The following NDUFB9 variants were observed in gnomAD, a reference collection of about 807,000 sequenced individuals.
The protein encoded by NDUFB9 is NADH:ubiquinone oxidoreductase subunit B9, also known as NADH dehydrogenase [ubiquinone] 1 beta subcomplex subunit 9.
In NDUFB9, 24 loss-of-function variants were observed where a neutral mutation model predicts 30.2. That is an observed-to-expected ratio of 0.80 (90% CI 0.58 to 1.12). NDUFB9 has a LOEUF of 1.12. NDUFB9 is among the 50% of genes most tolerant of loss of function. NDUFB9 has a pLI of 0.00. For synonymous variants in NDUFB9, 80 were observed against 84.0 expected, an observed-to-expected ratio of 0.95 and a Z score of 0.26; for missense variants, 204 against 226.0, an observed-to-expected ratio of 0.90 and a Z score of 0.62.
intron 2 of NDUFB9, 87 bp downstream of exon 2, chr8:124,543,366 T>TG (rs551080494): frequency 7.3e-7 from 1 of 1,378,740 alleles, no homozygotes; most frequent in South Asian, 1.2e-5. Context: ...CACTTGCCCT[T>TG]CAAGGGGTAG....
intron 3 of NDUFB9, among the ~76,000 whole-genome samples, chr8:124,549,266 A>G (rs531333806): frequency 6.6e-6 from 1 of 152,292 alleles, no homozygotes; most frequent in South Asian, 2.1e-4. Context: ...ATATTTTTAC[A>G]TGTAATTTTG....
chr8:124,549,890 T>A lies in NDUFB9; in HGVS notation c.538T>A (p.Ter180LysextTer12). ...IVTRPRERPM[*>K] The stretch of plus-strand genomic sequence containing the variant: ...GACCAGACCCCGGGAGCGGCCCATG[T>A]AGAAAGAGAGAGACCTCATCTTTCA... The change falls in exon 4 of 4, where the codon TAG (stop) becomes AAG (lysine). Residue 180 changes from the stop codon to lysine, a stop_lost. Coordinates refer to ENST00000276689, the MANE Select transcript of NDUFB9 (RefSeq NM_005005.3). The A allele has an allele frequency of 3.7e-6, 6 of 1,614,188 alleles. No individual in the cohort carries two copies. Among genetic ancestry groups the A allele is most frequent in the Non-Finnish European group, 5.1e-6 (6 of 1,180,018 alleles).
intron 3 of NDUFB9, among the ~76,000 whole-genome samples, chr8:124,549,299 G>T (rs974879920): frequency 2.6e-5 from 4 of 152,204 alleles, no homozygotes; most frequent in African/African-American, 9.7e-5. Context: ...GTTCTTGGTT[G>T]CTAGGAAGGG....
chr8:124,547,229 C>A, intron 3 of NDUFB9, 116 bp downstream of exon 3: 1 of 784,744 alleles, frequency 1.3e-6, no homozygotes, highest in East Asian at 2.5e-5. Context: ...CCTTGCTTCT[C>A]AGATATACTT....
rs1425123491 is a variant in NDUFB9 at position 124,549,881 on chromosome 8, C to T, written c.529C>T (p.Arg177Trp). 18 of 1,614,078 alleles carry T rather than the reference C, an allele frequency of 1.1e-5. No individual in the cohort carries two copies. The East Asian group carries it at 2.2e-4, about 20-fold the overall frequency. Residue 177 changes from arginine to tryptophan, a missense_variant, in exon 4 of 4, where the codon CGG (arginine) becomes TGG (tryptophan). Transcript: ENST00000276689. The part of the protein sequence containing the change: ...WWYIVTRPRE[R>W]PM Reference sequence around the variant, plus strand: ...GTATATTGTGACCAGACCCCGGGAGCGGCCCATGTAGAAAGAGAGAGACCT... The same window carrying T: ...GTATATTGTGACCAGACCCCGGGAGTGGCCCATGTAGAAAGAGAGAGACCT...
chr8:124,542,950 C>T (rs1339639724), intron 1 of NDUFB9, 137 bp from the exon 2 acceptor site: 29 of 816,616 alleles, frequency 3.6e-5, no homozygotes, highest in Middle Eastern at 3.4e-4. Context: ...CATGATGATA[C>T]GGCTGCTCCA....
At chr8:124,545,929 A>G (rs907327467) in intron 2 of NDUFB9, among the ~76,000 whole-genome samples, 5 of 151,868 alleles carry the variant, frequency 3.3e-5, no homozygotes, top group African/African-American at 4.8e-5. Context: ...CGCAACCTCC[A>G]CCTCCCAGGT....
rs1822295257 is a variant in NDUFB9 at position 124,549,795 on chromosome 8, G to A, written c.443G>A (p.Gly148Asp). The A allele has an allele frequency of 1.2e-6, 2 of 1,613,992 alleles. No individual in the cohort carries two copies. The highest frequency in any genetic ancestry group is 1.7e-5 in the Admixed American group (1 of 59,990). ...CTGCAGGAGGAAACGCCACCTGGTGGTCCTTTAACTGAAGCTTTGCCCCCT... is the reference window on the plus strand; with the variant it reads ...CTGCAGGAGGAAACGCCACCTGGTGATCCTTTAACTGAAGCTTTGCCCCCT... ...KQLQEETPPG[G>D]PLTEALPPAR... Residue 148 changes from glycine to aspartate, a missense_variant, in exon 4 of 4, where the codon GGT becomes GAT. Transcript: ENST00000276689.
In NDUFB9 at chr8:124,543,259, G is replaced by T. The variant is rs1372954937; in HGVS notation, c.274G>T (p.Glu92Ter). The T allele has an allele frequency of 1.6e-5, 26 of 1,613,990 alleles. No homozygotes were observed. Among genetic ancestry groups the T allele is most frequent in the Non-Finnish European group, 2.2e-5 (26 of 1,179,860 alleles). ...FPDSPGGTSY[E>*]RYDCYKVPEW... ...TGACTCTCCTGGGGGCACCTCCTAT[G>T]AGAGATACGATTGCTACAAGGTAGG... Residue 92 changes from glutamate (E) to a stop codon, truncating the protein, a stop_gained, in exon 2 of 4, where the codon GAG becomes TAG. Coordinates refer to ENST00000276689, the MANE Select transcript of NDUFB9 (RefSeq NM_005005.3). LOFTEE classifies it high-confidence loss of function.
chr8:124,548,705 G>A (rs1231735790), intron 3 of NDUFB9, among the ~76,000 whole-genome samples: 1 of 152,162 alleles, frequency 6.6e-6, no homozygotes, highest in Non-Finnish European at 1.5e-5. Flanking sequence ...AAAGGAAGCT[G>A]TTGTCATGAT....
chr8:124,539,447 G>C, intron 1 of NDUFB9, 160 bp downstream of exon 1: 1 of 680,802 alleles, frequency 1.5e-6, no homozygotes, highest in Non-Finnish European at 2.6e-6. Context: ...TCAAATCCAG[G>C]CTTCGCCACT....
rs1425632576 is a variant in NDUFB9 at position 124,543,074 on chromosome 8, A to G, written c.102-13A>G. ...GGTAACATTTCTAATCTTCAAAATC[A>G]TTTTGGTTTAAGAGACAAATACCGA... On this transcript the variant is annotated splice_polypyrimidine_tract_variant and intron_variant, in intron 1 of 3. Coordinates refer to ENST00000276689, the MANE Select transcript of NDUFB9 (RefSeq NM_005005.3). The G allele has an allele frequency of 6.2e-7, 1 of 1,613,264 alleles. No homozygotes were observed.
intron 2 of NDUFB9, among the ~76,000 whole-genome samples, chr8:124,545,782 A>C (rs774617064): frequency 6.6e-6 from 1 of 152,198 alleles, no homozygotes; most frequent in African/African-American, 2.4e-5. Flanking sequence ...TCCCTGCCTC[A>C]GCCTTCAAAG....
chr8:124,543,358 C>A, intron 2 of NDUFB9, 79 bp downstream of exon 2: 1 of 1,470,948 alleles, frequency 6.8e-7, no homozygotes, highest in Non-Finnish European at 9.5e-7. Flanking sequence ...TCAGAAATCA[C>A]TTGCCCTTCA....
At chr8:124,545,539 TTTTG>T (rs1822134140) in intron 2 of NDUFB9, among the ~76,000 whole-genome samples, 1 of 152,166 alleles carries the variant, frequency 6.6e-6, no homozygotes, top group Non-Finnish European at 1.5e-5. Flanking sequence ...TTTCTTTTGT[TTTTG>T]TTTGGGAGAT....
rs140331965 is a variant in NDUFB9, at chr8:124,542,256, T to C, written c.102-831T>C. On this transcript the variant is annotated intron_variant, in intron 1 of 3. Transcript: ENST00000276689. Reference sequence around the variant, plus strand: ...TAGTAGAGACGGGGTTTCTCCATGTTGATCAGGCTTGTCTTGAACTCCAGA... The same window carrying C: ...TAGTAGAGACGGGGTTTCTCCATGTCGATCAGGCTTGTCTTGAACTCCAGA... Among the ~76,000 whole-genome samples the C allele has an allele frequency of 3.0e-4, 45 of 152,268 alleles. 3 individuals are homozygous for C. In the East Asian group the frequency reaches 8.5e-3, roughly 29 times the overall value.
chr8:124,545,107 T>A (rs1306444422), intron 2 of NDUFB9, among the ~76,000 whole-genome samples: 2 of 152,196 alleles, frequency 1.3e-5, no homozygotes, highest in Admixed American at 1.3e-4. Context: ...TCATGATAAA[T>A]CTTGAGCAGA....
chr8:124,543,413 G>A (rs1822075630), intron 2 of NDUFB9, 134 bp downstream of exon 2: 2 of 853,586 alleles, frequency 2.3e-6, no homozygotes, highest in East Asian at 2.6e-5. Context: ...TCAGATGCAG[G>A]CCTACCTCAT....
chr8:124,542,101 A>T (rs948581217), intron 1 of NDUFB9, among the ~76,000 whole-genome samples: 2 of 151,388 alleles, frequency 1.3e-5, no homozygotes, highest in Admixed American at 1.3e-4. Flanking sequence ...TTTTTAGCTG[A>T]GACGGGATTT....
Sources: gnomAD v4.1 joint callset for allele counts (sites outside exome capture counted in the v4.1 genomes callset) on GRCh38, gnomAD v4.1.1 for gene constraint, MANE v1.5 for transcripts, NCBI Gene and HGNC (gene_info 2026-07-23, HGNC 2026-07-21) for gene names.